Variants in NKAIN2 observed in about 807,000 individuals in gnomAD.
NKAIN2 encodes sodium/potassium-transporting ATPase subunit beta-1-interacting protein 2.
Under a neutral mutation model 32.6 loss-of-function variants are expected in NKAIN2, and 14 were observed. That is an observed-to-expected ratio of 0.43 (90% CI 0.28 to 0.67). The LOEUF is 0.67. Among genes scored for constraint, NKAIN2 ranks in the 30% least tolerant of loss-of-function variants. The pLI, the probability that NKAIN2 is intolerant of heterozygous loss-of-function variation, is 0.17. For missense variants in NKAIN2, 198 were observed against 258.3 expected, an observed-to-expected ratio of 0.77 and a Z score of 1.60; for synonymous variants, 80 against 87.2, an observed-to-expected ratio of 0.92 and a Z score of 0.46.
chr6:124,422,663 A>G (rs1165963857), intron 3 of NKAIN2, among the ~76,000 whole-genome samples: 2 of 152,258 alleles, frequency 1.3e-5, no homozygotes, highest in African/African-American at 4.8e-5. Context: ...CAACAAAACA[A>G]CAATTACAAA....
intron 4 of NKAIN2, among the ~76,000 whole-genome samples, chr6:124,766,752 G>A (rs2114748785): frequency 6.6e-6 from 1 of 152,166 alleles, no homozygotes; most frequent in East Asian, 1.9e-4. Flanking sequence ...CTCTCTTTAT[G>A]GAGTCTTCTC....
chr6:124,780,890 A>G (rs1779231964), intron 4 of NKAIN2, among the ~76,000 whole-genome samples: 1 of 152,192 alleles, frequency 6.6e-6, no homozygotes, highest in African/African-American at 2.4e-5. Flanking sequence ...TGAAATGGTA[A>G]TTAAATGAGT....
At chr6:124,085,069 T>A (rs1328526156) in intron 1 of NKAIN2, among the ~76,000 whole-genome samples, 2 of 152,026 alleles carry the variant, frequency 1.3e-5, no homozygotes, top group Admixed American at 1.3e-4. Flanking sequence ...TAGTGTATTT[T>A]GTAGGGAGAA....
intron 1 of NKAIN2, among the ~76,000 whole-genome samples, chr6:124,128,734 T>C (rs1786307242): frequency 6.6e-6 from 1 of 152,228 alleles, no homozygotes; most frequent in Non-Finnish European, 1.5e-5. Context: ...CTGACATTCA[T>C]ACATTTATTC....
At position 123,880,438 on chromosome 6, in the gene NKAIN2, A is replaced by G. The variant is rs568917270; in HGVS notation, c.54+76184A>G. On this transcript the variant is annotated intron_variant, in intron 1 of 6. Transcript: ENST00000368417. ...GTCACTTCTGCTTGAATTCATTTAA[A>G]GAGACCTTAGTTGCACGGAAATACC... Among the ~76,000 whole-genome samples, 360 of 152,296 alleles carry G rather than the reference A, an allele frequency of 2.4e-3. 2 individuals carry two copies. The highest frequency in any genetic ancestry group is 8.2e-3 in the African/African-American group (343 of 41,580).
chr6:124,158,235 T>C (rs1439335162), intron 1 of NKAIN2, among the ~76,000 whole-genome samples: 2 of 152,098 alleles, frequency 1.3e-5, no homozygotes, highest in African/African-American at 2.4e-5. Flanking sequence ...TATGCATCCC[T>C]GGTGTCGCTG....
chr6:124,250,275 A>C (rs74593917), intron 1 of NKAIN2, among the ~76,000 whole-genome samples: 1 of 152,272 alleles, frequency 6.6e-6, no homozygotes, highest in African/African-American at 2.4e-5. Flanking sequence ...TAAGCTGCTC[A>C]GTCTGTGATA....
chr6:123,859,757 C>A (rs1400986064), intron 1 of NKAIN2, among the ~76,000 whole-genome samples: 1 of 152,202 alleles, frequency 6.6e-6, no homozygotes, highest in Non-Finnish European at 1.5e-5. Context: ...GTGGCACGAT[C>A]TTGGCTCATT....
chr6:123,938,683 A>G (rs1776677996), intron 1 of NKAIN2, among the ~76,000 whole-genome samples: 1 of 148,476 alleles, frequency 6.7e-6, no homozygotes. Flanking sequence ...GCCTGCATTT[A>G]TTGACTATTG....
chr6:124,133,593 C>T (rs1033209901), intron 1 of NKAIN2, among the ~76,000 whole-genome samples: 1 of 151,918 alleles, frequency 6.6e-6, no homozygotes, highest in Non-Finnish European at 1.5e-5. Context: ...TAAATAAACA[C>T]CAGAAAAAAA....
intron 4 of NKAIN2, among the ~76,000 whole-genome samples, chr6:124,715,718 A>G (rs1379396593): frequency 1.1e-4 from 16 of 152,104 alleles, no homozygotes; most frequent in Non-Finnish European, 8.8e-5. Flanking sequence ...CCTCTGCCCA[A>G]CTCCACAAAA....
At chr6:124,557,621 A>G (rs1440420123) in intron 3 of NKAIN2, among the ~76,000 whole-genome samples, 4 of 152,168 alleles carry the variant, frequency 2.6e-5, no homozygotes, top group African/African-American at 9.7e-5. Context: ...ACTGTTCCCC[A>G]CGTTTTCACA....
chr6:124,544,497 G>T (rs937926663), intron 3 of NKAIN2, among the ~76,000 whole-genome samples: 10 of 152,182 alleles, frequency 6.6e-5, no homozygotes, highest in African/African-American at 2.4e-4. Flanking sequence ...TTTTGAAAAT[G>T]ACATGAAACT....
chr6:124,329,429 A>C (rs1797559852), intron 2 of NKAIN2, among the ~76,000 whole-genome samples: 2 of 152,178 alleles, frequency 1.3e-5, no homozygotes, highest in Non-Finnish European at 2.9e-5. Flanking sequence ...CTATGGTTTA[A>C]ATGTAATGGA....
At chr6:124,287,643 C>A (rs1195730707) in intron 2 of NKAIN2, among the ~76,000 whole-genome samples, 1 of 152,032 alleles carries the variant, frequency 6.6e-6, no homozygotes, top group Non-Finnish European at 1.5e-5. Flanking sequence ...TCAATCACAT[C>A]AAATCCCAGA....
At chr6:124,534,470 A>G (rs764971065) in intron 3 of NKAIN2, among the ~76,000 whole-genome samples, 5 of 152,194 alleles carry the variant, frequency 3.3e-5, no homozygotes, top group Non-Finnish European at 5.9e-5. Flanking sequence ...TGTTTTCTAT[A>G]ACAAATTTTT....
At chr6:124,442,598 T>C (rs59996283) in intron 3 of NKAIN2, among the ~76,000 whole-genome samples, 1,915 of 152,210 alleles carry the variant, frequency 0.013, 36 homozygotes, top group African/African-American at 0.044. Context: ...ATACCATTTC[T>C]GTGTTACATT....
rs61392520 is a variant in NKAIN2 at position 124,408,136 on chromosome 6, T to C, written c.273+52789T>C. Among the ~76,000 whole-genome samples, 827 of 152,016 alleles carry C rather than the reference T, an allele frequency of 5.4e-3. 7 individuals are homozygous for C. Among genetic ancestry groups the C allele is most frequent in the African/African-American group, 0.019 (803 of 41,478 alleles). On this transcript the variant is annotated intron_variant, in intron 3 of 6. Transcript: ENST00000368417. ...AGTAGATTGCGAAAATTTTCTCCCATTCTGTAGGTTGCCTGTTCACTCTGA... is the reference window on the plus strand; with the variant it reads ...AGTAGATTGCGAAAATTTTCTCCCACTCTGTAGGTTGCCTGTTCACTCTGA...
At chr6:124,498,711 T>C (rs1409550959) in intron 3 of NKAIN2, among the ~76,000 whole-genome samples, 1 of 152,202 alleles carries the variant, frequency 6.6e-6, no homozygotes, top group African/African-American at 2.4e-5. Flanking sequence ...TCTGAGATTA[T>C]CTTATCCATT....
Sources: allele counts gnomAD v4.1 joint callset (sites outside exome capture counted in the v4.1 genomes callset), GRCh38; gene constraint gnomAD v4.1.1; transcripts MANE v1.5; gene names NCBI Gene and HGNC (gene_info 2026-07-23, HGNC 2026-07-21).